TULP4: variants seen among roughly 807,000 people sequenced by gnomAD.
TULP4 encodes tubby-related protein 4.
In TULP4, 16 loss-of-function variants were observed where a neutral mutation model predicts 129.0. That is an observed-to-expected ratio of 0.12 (90% CI 0.08 to 0.19). The LOEUF (loss-of-function observed/expected upper bound fraction) is 0.19, where lower values mean the gene tolerates loss of function less well. Ranked by LOEUF, TULP4 falls within the 10% of genes least tolerant of loss-of-function variation. The pLI is 1.00. For missense variants in TULP4, 1,842 were observed against 2,059.1 expected, an observed-to-expected ratio of 0.89 and a Z score of 2.04; for synonymous variants, 998 against 854.0, an observed-to-expected ratio of 1.17 and a Z score of -2.94.
intron 1 of TULP4, among the ~76,000 whole-genome samples, chr6:158,277,108 T>A (rs1042553990): frequency 1.3e-5 from 2 of 151,998 alleles, no homozygotes; most frequent in African/African-American, 2.4e-5. Context: ...CCTGGCTAAT[T>A]TTTTGTATTT....
At chr6:158,262,793 C>T (rs969663289) in intron 1 of TULP4, among the ~76,000 whole-genome samples, 10 of 152,094 alleles carry the variant, frequency 6.6e-5, no homozygotes, top group East Asian at 1.9e-4. Context: ...TGGCACCCTG[C>T]GATGTCACCT....
intron 1 of TULP4, among the ~76,000 whole-genome samples, chr6:158,345,497 G>T (rs1302230361): frequency 1.3e-5 from 2 of 152,212 alleles, no homozygotes; most frequent in Non-Finnish European, 2.9e-5. Context: ...TTTTACAGCT[G>T]GGCCGCCAGG....
rs373432638 is a variant in TULP4 at position 158,385,488 on chromosome 6, C to T, written c.253-27577C>T. 1.2e-4 allele frequency among the ~76,000 whole-genome samples: 19 copies of T among 152,212 alleles called. No homozygotes were observed. In the South Asian group the frequency reaches 1.7e-3, roughly 13 times the overall value. ...ATCCTGGCTTTCAGGCGAATAAATG[C>T]GTCACCTTTGTCAGGCTACTCTTTG... On this transcript the variant is annotated intron_variant, in intron 1 of 13. Coordinates refer to ENST00000367097, the MANE Select transcript of TULP4 (RefSeq NM_020245.5).
chr6:158,301,194 T>C (rs1024180528), intron 1 of TULP4, among the ~76,000 whole-genome samples: 1 of 152,182 alleles, frequency 6.6e-6, no homozygotes, highest in Non-Finnish European at 1.5e-5. Flanking sequence ...TTTGGGGAAA[T>C]CCTGTAAGGC....
intron 1 of TULP4, among the ~76,000 whole-genome samples, chr6:158,260,963 G>A (rs1272211475): frequency 6.7e-6 from 1 of 148,876 alleles, no homozygotes; most frequent in Non-Finnish European, 1.5e-5. Flanking sequence ...TGGGATTACA[G>A]GTGCACACCA....
At chr6:158,294,852 C>T (rs551963670) in intron 1 of TULP4, among the ~76,000 whole-genome samples, 74 of 152,348 alleles carry the variant, frequency 4.9e-4, no homozygotes, top group Admixed American at 3.5e-3. Flanking sequence ...CTACCTCAGT[C>T]TCCTGAGTAG....
rs550637800 is a variant in TULP4 at position 158,484,783 on chromosome 6, C to T, written c.1486+3494C>T. On this transcript the variant is annotated intron_variant, in intron 8 of 13. Coordinates refer to ENST00000367097, the MANE Select transcript of TULP4 (RefSeq NM_020245.5). ...CTTGAGACTGCTCAGCCTCCATAAT[C>T]GAATGGACCAGTTATTTAGCGCGTG... Among the ~76,000 whole-genome samples, 251 of 152,350 alleles carry T rather than the reference C, an allele frequency of 1.6e-3. 2 individuals are homozygous for T. Among genetic ancestry groups the T allele is most frequent in the Non-Finnish European group, 6.3e-4 (43 of 68,034 alleles).
intron 1 of TULP4, among the ~76,000 whole-genome samples, chr6:158,343,626 C>T (rs1335667545): frequency 6.6e-6 from 1 of 152,110 alleles, no homozygotes; most frequent in East Asian, 1.9e-4. Flanking sequence ...TTGTCACAGC[C>T]CCACCATGCT....
upstream of TULP4, among the ~76,000 whole-genome samples, chr6:158,311,438 C>T (rs1200319456): frequency 3.3e-5 from 5 of 152,168 alleles, no homozygotes; most frequent in African/African-American, 1.2e-4. Context: ...GCAGCCTGGA[C>T]TTCAGGCAGT....
At chr6:158,430,608 C>T (rs541701585) in intron 3 of TULP4, among the ~76,000 whole-genome samples, 1 of 152,136 alleles carries the variant, frequency 6.6e-6, no homozygotes, top group South Asian at 2.1e-4. Flanking sequence ...ATTAGCCAGG[C>T]ATGATGGCGG....
At position 158,507,765 on chromosome 6, in the gene TULP4, GA is replaced by G. The variant is rs1178171755; in HGVS notation, c.*1074del. On this transcript the variant is annotated 3_prime_UTR_variant, in exon 14 of 14. Coordinates refer to ENST00000367097, the MANE Select transcript of TULP4 (RefSeq NM_020245.5). ...TAAAAGTGTGGACAACGCTTGATTT[GA>G]AACCACTCCTTTTCTCCTCTTGGCT... 1 of 152,176 alleles carries G rather than the reference GA, an allele frequency of 6.6e-6. No individual in the cohort carries two copies. Among genetic ancestry groups the G allele is most frequent in the African/African-American group, 2.4e-5 (1 of 41,432 alleles). The allele number at this position is 152,176 out of a possible 1,614,324, so 9.4% of individuals were successfully genotyped here.
At chr6:158,491,472 TTTTCTTTCTTTC>T (rs201892013) in intron 9 of TULP4, among the ~76,000 whole-genome samples, 18 of 39,454 alleles carry the variant, frequency 4.6e-4, no homozygotes, top group South Asian at 2.0e-3. Context: ...TCTTTCTTTC[TTTTCTTTCTTTC>T]TTTCTTTCTT....
intron 1 of TULP4, among the ~76,000 whole-genome samples, chr6:158,287,330 T>C (rs548063646): frequency 6.6e-6 from 1 of 152,288 alleles, no homozygotes; most frequent in East Asian, 1.9e-4. Context: ...ATAATATAAT[T>C]TACGACATCA....
chr6:158,471,896 CT>C (rs1403483376), intron 6 of TULP4, among the ~76,000 whole-genome samples: 40 of 152,318 alleles, frequency 2.6e-4, no homozygotes, highest in African/African-American at 8.9e-4. Context: ...TATAATCAAT[CT>C]GATGCTGGCT....
intron 4 of TULP4, among the ~76,000 whole-genome samples, chr6:158,451,764 C>T (rs1418811481): frequency 2.6e-5 from 4 of 152,210 alleles, no homozygotes; most frequent in Non-Finnish European, 4.4e-5. Context: ...ATGTTTTTAT[C>T]CCTCCTCCTA....
At chr6:158,289,743 G>T (rs1015814070) in intron 1 of TULP4, among the ~76,000 whole-genome samples, 2 of 151,970 alleles carry the variant, frequency 1.3e-5, no homozygotes, top group Non-Finnish European at 2.9e-5. Context: ...ACCATGCCTG[G>T]CTGATTTTTT....
intron 1 of TULP4, among the ~76,000 whole-genome samples, chr6:158,404,082 G>C (rs1777917842): frequency 6.6e-6 from 1 of 152,204 alleles, no homozygotes; most frequent in South Asian, 2.1e-4. Context: ...GGAAATGTCA[G>C]TCTCCACTCA....
At chr6:158,418,399 C>CTT (rs772179433) in intron 2 of TULP4, among the ~76,000 whole-genome samples, 18 of 127,456 alleles carry the variant, frequency 1.4e-4, no homozygotes, top group African/African-American at 3.2e-4. Flanking sequence ...TGAGCCACCA[C>CTT]TTTTTTTTTT....
At chr6:158,287,181 C>G (rs1389711369) in intron 1 of TULP4, among the ~76,000 whole-genome samples, 2 of 152,180 alleles carry the variant, frequency 1.3e-5, no homozygotes, top group East Asian at 3.8e-4. Context: ...GAGATCCATA[C>G]AGATCTGGGT....
Sources: allele counts gnomAD v4.1 joint callset (sites outside exome capture counted in the v4.1 genomes callset), GRCh38; gene constraint gnomAD v4.1.1; transcripts MANE v1.5; gene names NCBI Gene and HGNC (gene_info 2026-07-23, HGNC 2026-07-21).